SIRT1: variants seen among roughly 807,000 people sequenced by gnomAD.
SIRT1 encodes NAD-dependent protein deacetylase sirtuin-1.
A neutral mutation model predicts 67.9 loss-of-function variants in SIRT1; 24 were observed. The ratio of observed to expected loss-of-function variants is 0.35; its 90% CI spans 0.26 to 0.50. The LOEUF is 0.50. Ranked by LOEUF, SIRT1 falls within the 20% of genes least tolerant of loss-of-function variation. SIRT1 has a pLI of 0.98. For synonymous variants in SIRT1, 378 were observed against 350.7 expected (o/e 1.08, Z -0.87); for missense variants, 873 against 937.2 (o/e 0.93, Z 0.89).
At position 67,908,084 on chromosome 10, in the gene SIRT1, A is replaced by G; in HGVS notation, c.1129A>G (p.Lys377Glu). The G allele has an allele frequency of 6.2e-7, 1 of 1,613,750 alleles. No homozygotes were observed. Among genetic ancestry groups the G allele is most frequent in the Non-Finnish European group, 8.5e-7 (1 of 1,179,830 alleles). ...AGCATCTTGCCTGATTTGTAAATACAAAGTTGACTGTGAAGCTGTACGAGG... is the reference window on the plus strand; with the variant it reads ...AGCATCTTGCCTGATTTGTAAATACGAAGTTGACTGTGAAGCTGTACGAGG... ...ATASCLICKY[K>E]VDCEAVRGDI... The change falls in exon 6 of 9, where the codon AAA (lysine) becomes GAA (glutamate). Residue 377 changes from lysine to glutamate, a missense_variant. By Grantham distance (56) the Lys-to-Glu change is moderately conservative. Coordinates refer to ENST00000212015, the MANE Select transcript of SIRT1 (RefSeq NM_012238.5).
intron 4 of SIRT1, among the ~76,000 whole-genome samples, chr10:67,900,011 G>A (rs1842717001): frequency 6.6e-6 from 1 of 152,092 alleles, no homozygotes; most frequent in South Asian, 2.1e-4. Context: ...TTGAACTCGG[G>A]AGGCGGAGAT....
Position 67,889,130 on chromosome 10 carries a change from A to G in SIRT1, c.789+7A>G. The G allele has an allele frequency of 6.3e-7, 1 of 1,594,182 alleles. No homozygotes were observed. Among genetic ancestry groups the G allele is most frequent in the Non-Finnish European group, 8.5e-7 (1 of 1,177,556 alleles). On this transcript the variant is annotated splice_region_variant and intron_variant, in intron 3 of 8. Transcript: ENST00000212015. ...AGTTCTAACTGGAGCTGGGGTATGTAAGACTAGTACATGGGGAGGTCGTAT... is the reference window on the plus strand; with the variant it reads ...AGTTCTAACTGGAGCTGGGGTATGTGAGACTAGTACATGGGGAGGTCGTAT...
rs142785755 is a variant in SIRT1, at chr10:67,887,331, C to T, written c.431-86C>T. On this transcript the variant is annotated intron_variant, in intron 1 of 8. Transcript: ENST00000212015. Reference sequence around the variant, plus strand: ...CCGTGTAAATGTTAAATGCTGTACTCGATGAAAATGATTGCTCTATAACCG... The same window carrying T: ...CCGTGTAAATGTTAAATGCTGTACTTGATGAAAATGATTGCTCTATAACCG... 7,408 of 827,886 alleles carry T rather than the reference C, an allele frequency of 8.9e-3. 53 individuals are homozygous for T. Among genetic ancestry groups the T allele is most frequent in the Non-Finnish European group, 0.01 (5,010 of 485,028 alleles). 51.3% of individuals were successfully genotyped at this position (827,886 alleles called of 1,614,324 possible).
chr10:67,891,587 C>G (rs562845022), intron 4 of SIRT1, 33 bp downstream of exon 4: 2 of 1,606,706 alleles, frequency 1.2e-6, no homozygotes, highest in African/African-American at 2.7e-5. Flanking sequence ...TTTCTTTGGC[C>G]TTCTCTCATG....
Position 67,904,135 on chromosome 10 carries a change from T to TG in SIRT1, c.943-2655_943-2654insG, listed in dbSNP as rs1177412519. ...TTTAGTTTTTTTTGTTTGTTTTTTT[T>TG]TTTTTTTTTTTTAAAGGCTCTCACT... On this transcript the variant is annotated intron_variant, in intron 4 of 8. Coordinates refer to ENST00000212015, the MANE Select transcript of SIRT1 (RefSeq NM_012238.5). Among the ~76,000 whole-genome samples the TG allele has an allele frequency of 2.5e-4, 37 of 150,088 alleles. 1 individual carries two copies. The highest frequency in any genetic ancestry group is 9.0e-4 in the African/African-American group (37 of 41,070).
At chr10:67,895,099 T>G (rs1196218374) in intron 4 of SIRT1, among the ~76,000 whole-genome samples, 4 of 152,152 alleles carry the variant, frequency 2.6e-5, no homozygotes, top group Non-Finnish European at 4.4e-5. Context: ...CATCCTTTAA[T>G]TCTCACATTG....
chr10:67,886,272 A>G (rs184542743), intron 1 of SIRT1, among the ~76,000 whole-genome samples: 7 of 151,444 alleles, frequency 4.6e-5, no homozygotes, highest in East Asian at 2.0e-4. Flanking sequence ...AGGAGTTTCT[A>G]TCCTTGATAG....
At chr10:67,885,359 G>C in intron 1 of SIRT1, 1 of 1,233,766 alleles carries the variant, frequency 8.1e-7, no homozygotes, top group Non-Finnish European at 1.0e-6. Flanking sequence ...TCCTCCGTCC[G>C]TGGCCCGCCT....
At chr10:67,897,088 G>A (rs979003982) in intron 4 of SIRT1, among the ~76,000 whole-genome samples, 2 of 151,246 alleles carry the variant, frequency 1.3e-5, no homozygotes, top group Non-Finnish European at 3.0e-5. Context: ...CCTGGGAGGC[G>A]GAGGTTGCAG....
intron 4 of SIRT1, among the ~76,000 whole-genome samples, chr10:67,899,140 G>T (rs34071962): frequency 0.023 from 3,550 of 151,880 alleles, 148 homozygotes; most frequent in African/African-American, 0.081. Context: ...TTGTCGTATT[G>T]CAGCTTGGAA....
Position 67,910,067 on chromosome 10 carries a change from T to TG in SIRT1, c.1357+631dup, listed in dbSNP as rs111777377. Among the ~76,000 whole-genome samples, 10 of 151,862 alleles carry TG rather than the reference T, an allele frequency of 6.6e-5. No individual in the cohort carries two copies. The South Asian group carries it at 1.9e-3, about 29-fold the overall frequency. On this transcript the variant is annotated intron_variant, in intron 7 of 8. Coordinates refer to ENST00000212015, the MANE Select transcript of SIRT1 (RefSeq NM_012238.5). Reference sequence around the variant, plus strand: ...GAGACTGGTGAATCTGACATTTTGATGGGGGGTGGAGGGTTGTCAAAACGC... The same window carrying TG: ...GAGACTGGTGAATCTGACATTTTGATGGGGGGGTGGAGGGTTGTCAAAACGC...
intron 5 of SIRT1, 99 bp from the exon 6 acceptor site, chr10:67,907,947 C>A (rs758117704): frequency 1.0e-6 from 1 of 998,290 alleles, no homozygotes; most frequent in Non-Finnish European, 1.5e-6. Context: ...TCCTTAAACC[C>A]TCTTAACATT....
chr10:67,905,592 G>T (rs1842809536), intron 4 of SIRT1, among the ~76,000 whole-genome samples: 1 of 152,090 alleles, frequency 6.6e-6, no homozygotes, highest in South Asian at 2.1e-4. Flanking sequence ...GATTAAATAG[G>T]TAAAAAGTCA....
At chr10:67,898,538 A>C (rs542600182) in intron 4 of SIRT1, among the ~76,000 whole-genome samples, 1 of 152,310 alleles carries the variant, frequency 6.6e-6, no homozygotes, top group Non-Finnish European at 1.5e-5. Flanking sequence ...ATTAAAAATC[A>C]ACGTCAGTAA....
chr10:67,907,290 T>G (rs971826775), intron 5 of SIRT1, among the ~76,000 whole-genome samples: 1 of 151,184 alleles, frequency 6.6e-6, no homozygotes, highest in Non-Finnish European at 1.5e-5. Flanking sequence ...AAGCCAAGAG[T>G]TCGAGAACAG....
At chr10:67,887,570 T>C (rs750062997) in intron 2 of SIRT1, 37 bp downstream of exon 2, 8 of 1,423,006 alleles carry the variant, frequency 5.6e-6, no homozygotes, top group Non-Finnish European at 7.9e-6. Flanking sequence ...AGAGTAAATG[T>C]ACGGTTTTTG....
intron 7 of SIRT1, 56 bp from the exon 8 acceptor site, chr10:67,912,418 T>G (rs1383882408): frequency 6.8e-7 from 1 of 1,472,562 alleles, no homozygotes; most frequent in African/African-American, 1.4e-5. Flanking sequence ...TGTTGTGGTT[T>G]TATTAGCTTA....
intron 2 of SIRT1, 144 bp downstream of exon 2, chr10:67,887,677 A>G: frequency 3.7e-6 from 2 of 535,260 alleles, no homozygotes; most frequent in Non-Finnish European, 6.7e-6. Context: ...TCCAGGTTCA[A>G]GCGATTCTCC....
chr10:67,892,611 T>TC (rs2131854360), intron 4 of SIRT1, among the ~76,000 whole-genome samples: 1 of 150,896 alleles, frequency 6.6e-6, no homozygotes, highest in Non-Finnish European at 1.5e-5. Flanking sequence ...TTTTTTTTTT[T>TC]CTTTTTTTGA....
Sources: allele counts gnomAD v4.1 joint callset (sites outside exome capture counted in the v4.1 genomes callset), GRCh38; gene constraint gnomAD v4.1.1; transcripts MANE v1.5; gene names NCBI Gene and HGNC (gene_info 2026-07-23, HGNC 2026-07-21).